PIWIL2: variants seen among roughly 807,000 people sequenced by gnomAD.
The protein encoded by PIWIL2 is piwi-like protein 2.
PIWIL2 carries 81 observed loss-of-function variants against 116.5 expected under a neutral mutation model. The ratio of observed to expected loss-of-function variants is 0.70; its 90% CI spans 0.58 to 0.84. The LOEUF (loss-of-function observed/expected upper bound fraction) is 0.84, where lower values mean the gene tolerates loss of function less well. PIWIL2 is among the 40% of genes least tolerant of loss of function. The pLI is 0.00. For missense variants in PIWIL2, 1,272 were observed against 1,212.3 expected (o/e 1.05, Z -0.73); for synonymous variants, 489 against 429.5 (o/e 1.14, Z -1.71).
intron 22 of PIWIL2, 55 bp from the exon 23 acceptor site, chr8:22,355,294 G>C: frequency 1.3e-6 from 2 of 1,577,918 alleles, no homozygotes; most frequent in Non-Finnish European, 1.7e-6. Flanking sequence ...TGTATTGCAT[G>C]CCACAAATTG....
At chr8:22,325,090 T>A (rs1831691537) in intron 20 of PIWIL2, among the ~76,000 whole-genome samples, 2 of 152,170 alleles carry the variant, frequency 1.3e-5, no homozygotes, top group Non-Finnish European at 2.9e-5. Flanking sequence ...AGTGTAGGAA[T>A]ACTACATCAG....
rs1563435276 is a variant in PIWIL2 at position 22,351,439 on chromosome 8, AC to A, written c.2404-1519del. Among the ~76,000 whole-genome samples, 164 of 52,152 alleles carry A rather than the reference AC, an allele frequency of 3.1e-3. 8 individuals are homozygous for A. The highest frequency in any genetic ancestry group is 0.012 in the African/African-American group (158 of 13,356). The allele number at this position is 52,152 out of a possible 152,430, so 34.2% of individuals were successfully genotyped here. A position where few individuals can be genotyped will look rare whatever the true frequency, so the allele number is the denominator to read the frequency against. On this transcript the variant is annotated intron_variant, in intron 20 of 22. Coordinates refer to ENST00000356766, the MANE Select transcript of PIWIL2 (RefSeq NM_018068.5). The stretch of plus-strand genomic sequence containing the variant: ...AACCTGTAAGGAACAGTGCATACAT[AC>A]ATATATATATATATATATATATATA...
intron 20 of PIWIL2, among the ~76,000 whole-genome samples, chr8:22,346,056 A>G (rs970236874): frequency 1.3e-5 from 2 of 152,074 alleles, no homozygotes; most frequent in Non-Finnish European, 2.9e-5. Context: ...ATTTAATTGT[A>G]TAGTTTAAGT....
chr8:22,348,287 G>T (rs1001178802), intron 20 of PIWIL2, among the ~76,000 whole-genome samples: 5 of 152,078 alleles, frequency 3.3e-5, no homozygotes, highest in African/African-American at 1.2e-4. Context: ...GTGACTGAGC[G>T]AGACTCCATC....
chr8:22,289,504 C>G (rs944526915), intron 8 of PIWIL2, among the ~76,000 whole-genome samples: 29 of 152,152 alleles, frequency 1.9e-4, no homozygotes, highest in African/African-American at 7.0e-4. Context: ...AAACATAGCT[C>G]CCTTTGCCAC....
chr8:22,353,966 G>T (rs1055817873), intron 21 of PIWIL2, among the ~76,000 whole-genome samples: 11 of 151,854 alleles, frequency 7.2e-5, no homozygotes, highest in African/African-American at 2.4e-4. Flanking sequence ...TGTAGAGACA[G>T]GGTCTTGCCA....
chr8:22,295,340 T>TG (rs1026912437), intron 10 of PIWIL2, among the ~76,000 whole-genome samples: 56 of 151,644 alleles, frequency 3.7e-4, no homozygotes, highest in African/African-American at 1.3e-3. Context: ...TGCTCAGCTT[T>TG]TTTTTTTCTA....
rs1373906033 is a variant in PIWIL2, at chr8:22,356,804, T to C, written c.*1299T>C. 1 of 152,176 alleles carries C rather than the reference T, an allele frequency of 6.6e-6. No individual in the cohort carries two copies. The highest frequency in any genetic ancestry group is 2.4e-5 in the African/African-American group (1 of 41,450). The allele number at this position is 152,176 out of a possible 1,614,324, so 9.4% of individuals were successfully genotyped here. On this transcript the variant is annotated 3_prime_UTR_variant, in exon 23 of 23. Coordinates refer to ENST00000356766, the MANE Select transcript of PIWIL2 (RefSeq NM_018068.5). Reference sequence around the variant, plus strand: ...ACCAAAGTCCAGATGGTTAGAAAGTTATCACATACCATGGGTTTCAGTGTT... The same window carrying C: ...ACCAAAGTCCAGATGGTTAGAAAGTCATCACATACCATGGGTTTCAGTGTT...
chr8:22,309,026 A>G (rs1586564086), intron 14 of PIWIL2, among the ~76,000 whole-genome samples: 1 of 151,432 alleles, frequency 6.6e-6, no homozygotes, highest in Non-Finnish European at 1.5e-5. Context: ...TAATGGCGCA[A>G]TCTCGGCTCA....
chr8:22,303,620 C>G (rs1554500294), intron 10 of PIWIL2, among the ~76,000 whole-genome samples: 1 of 152,150 alleles, frequency 6.6e-6, no homozygotes, highest in African/African-American at 2.4e-5. Flanking sequence ...TGTCAATATC[C>G]TGGGCTCAAG....
At chr8:22,295,082 G>A (rs1165988782) in intron 10 of PIWIL2, among the ~76,000 whole-genome samples, 2 of 148,922 alleles carry the variant, frequency 1.3e-5, no homozygotes, top group African/African-American at 2.5e-5. Flanking sequence ...TCGTCTGGGG[G>A]AAAAAAAAAA....
At chr8:22,314,906 G>A (rs1442633506) in intron 17 of PIWIL2, 123 bp from the exon 18 acceptor site, 154 of 670,170 alleles carry the variant, frequency 2.3e-4, no homozygotes, top group Non-Finnish European at 1.1e-4. Context: ...TTATTAATGC[G>A]AAATGTGTTA....
chr8:22,322,752 G>C (rs1008160406), intron 20 of PIWIL2, among the ~76,000 whole-genome samples: 19 of 151,928 alleles, frequency 1.3e-4, no homozygotes, highest in Non-Finnish European at 2.6e-4. Flanking sequence ...TGTTGGCCAG[G>C]CTTGTCTCGA....
intron 20 of PIWIL2, among the ~76,000 whole-genome samples, chr8:22,337,568 A>G (rs1029370785): frequency 1.3e-5 from 2 of 149,736 alleles, no homozygotes; most frequent in African/African-American, 4.9e-5. Flanking sequence ...TCTCTACTAA[A>G]TTAAAAAAAA....
At chr8:22,344,297 A>G (rs147720213) in intron 20 of PIWIL2, among the ~76,000 whole-genome samples, 75 of 152,342 alleles carry the variant, frequency 4.9e-4, no homozygotes, top group African/African-American at 1.5e-3. Context: ...GTCAAAACCC[A>G]TAGAACTGTA....
intron 20 of PIWIL2, among the ~76,000 whole-genome samples, chr8:22,324,797 G>C (rs774837556): frequency 1.4e-5 from 2 of 147,732 alleles, no homozygotes; most frequent in African/African-American, 2.7e-5. Context: ...ATGAAGAGAG[G>C]AAATTTAGAC....
intron 20 of PIWIL2, among the ~76,000 whole-genome samples, chr8:22,340,294 T>G (rs1586593118): frequency 6.6e-6 from 1 of 152,170 alleles, no homozygotes; most frequent in East Asian, 1.9e-4. Flanking sequence ...CGACCTCGGG[T>G]GATCTGCCTG....
intron 13 of PIWIL2, among the ~76,000 whole-genome samples, chr8:22,306,847 G>A (rs1563378490): frequency 6.6e-6 from 1 of 152,148 alleles, no homozygotes; most frequent in Admixed American, 6.5e-5. Context: ...TCACAGAGCT[G>A]TATCTACCCC....
intron 20 of PIWIL2, 110 bp from the exon 21 acceptor site, chr8:22,352,849 C>A: frequency 8.8e-7 from 1 of 1,137,350 alleles, no homozygotes; most frequent in Non-Finnish European, 1.2e-6. Context: ...GCACTAACTG[C>A]AAAAGGATCT....
Sources: allele counts gnomAD v4.1 joint callset (sites outside exome capture counted in the v4.1 genomes callset), GRCh38; gene constraint gnomAD v4.1.1; transcripts MANE v1.5; gene names NCBI Gene and HGNC (gene_info 2026-07-23, HGNC 2026-07-21).